The following DMD variants were observed in gnomAD, a reference collection of about 807,000 sequenced individuals.
DMD encodes mutant dystrophin.
In DMD, 63 loss-of-function variants were observed where a neutral mutation model predicts 330.1. The ratio of observed to expected loss-of-function variants is 0.19; its 90% CI spans 0.16 to 0.24. The LOEUF is 0.24. DMD is among the 10% of genes least tolerant of loss of function. The probability of loss-of-function intolerance (pLI) is 1.00; values close to 1 mark genes in which losing one functional copy is unlikely to be tolerated. For synonymous variants in DMD, 1,223 were observed against 959.8 expected (o/e 1.27, Z -5.07); for missense variants, 3,344 against 2,684.1 (o/e 1.25, Z -5.43).
chrX:32,199,780 TTGTGTGTGTGTGTGTGTGTGTG>T lies in DMD; in HGVS notation c.6438+17114_6438+17135del, dbSNP rs35897988. ...CAGCAAGCGCCACCACGCAAGGCTT[TTGTGTGTGTGTGTGTGTGTGTG>T]TGTGTGTGTGTGTGTGTGTGTGTGT... On this transcript the variant is annotated intron_variant, in intron 44 of 78. Coordinates refer to ENST00000357033, the MANE Select transcript of DMD (RefSeq NM_004006.3). Among the ~76,000 whole-genome samples the T allele has an allele frequency of 3.3e-3, 278 of 84,132 alleles. 1 individual carries two copies. In the South Asian group the frequency reaches 0.054, roughly 16 times the overall value. 73.1% of individuals were successfully genotyped at this position (84,132 alleles called of 115,157 possible). A position where few individuals can be genotyped will look rare whatever the true frequency, so the allele number is the denominator to read the frequency against.
chrX:33,320,076 T>C (rs933164712), intron 1 of DMD, among the ~76,000 whole-genome samples: 3 of 111,368 alleles, frequency 2.7e-5, no homozygotes, highest in African/African-American at 9.8e-5. Flanking sequence ...CAATATTGTA[T>C]AGAGATAAAA....
chrX:32,623,560 TTC>T (rs1489539510), intron 11 of DMD, among the ~76,000 whole-genome samples: 2 of 106,383 alleles, frequency 1.9e-5, no homozygotes, highest in Non-Finnish European at 3.9e-5. Flanking sequence ...CAGGGTCTCA[TTC>T]TGTTACCCAG....
rs768532317 is a variant in DMD at position 31,134,141 on chromosome X, C to T, written c.10975G>A (p.Val3659Met). ...PQDTSTGLEE[V>M]MEQLNNSFPS... The stretch of plus-strand genomic sequence containing the variant: ...AAGGAGTTGTTGAGTTGCTCCATCA[C>T]CTCCTCTAACCCTGTGCTTGTGTCC... Residue 3659 changes from valine to methionine, a missense_variant, in exon 77 of 79, where the codon GTG becomes ATG. Physicochemically the swap from Val to Met is conservative, Grantham distance 21. Coordinates refer to ENST00000357033, the MANE Select transcript of DMD (RefSeq NM_004006.3). 9 of 1,211,371 alleles carry T rather than the reference C, an allele frequency of 7.4e-6. No homozygotes were observed. In the Middle Eastern group the frequency reaches 1.4e-3, roughly 186 times the overall value.
At chrX:31,410,295 C>T (rs1225185776) in intron 60 of DMD, among the ~76,000 whole-genome samples, 2 of 111,917 alleles carry the variant, frequency 1.8e-5, no homozygotes, top group African/African-American at 3.3e-5. Flanking sequence ...TTATAGAACT[C>T]GGTACCACTA....
chrX:32,935,073 G>A (rs988972517), intron 2 of DMD, among the ~76,000 whole-genome samples: 2 of 112,626 alleles, frequency 1.8e-5, no homozygotes, highest in Admixed American at 9.3e-5. Context: ...CCGCCTCCCG[G>A]GTTCACGCCA....
intron 44 of DMD, among the ~76,000 whole-genome samples, chrX:32,159,316 TA>T (rs1177112448): frequency 2.7e-5 from 3 of 112,188 alleles, no homozygotes; most frequent in Non-Finnish European, 5.6e-5. Context: ...AAACGTATGT[TA>T]CAAGGAGATA....
chrX:32,116,293 A>G (rs1468030480), intron 44 of DMD, among the ~76,000 whole-genome samples: 1 of 111,910 alleles, frequency 8.9e-6, no homozygotes, highest in Non-Finnish European at 1.9e-5. Flanking sequence ...CCCAATCTAA[A>G]CAAGTCCACC....
intron 61 of DMD, among the ~76,000 whole-genome samples, chrX:31,344,040 G>T (rs184655971): frequency 9.8e-6 from 1 of 101,630 alleles, no homozygotes; most frequent in African/African-American, 3.6e-5. Flanking sequence ...TGGAGTGCGG[G>T]GGGGGGTGGA....
intron 55 of DMD, among the ~76,000 whole-genome samples, chrX:31,537,722 C>A (rs1043804121): frequency 1.8e-5 from 2 of 111,219 alleles, no homozygotes; most frequent in Non-Finnish European, 3.8e-5. Context: ...CCAACTTGAC[C>A]TGTCTAACTC....
intron 55 of DMD, among the ~76,000 whole-genome samples, chrX:31,599,818 C>A (rs10442455): frequency 1.8e-5 from 2 of 112,235 alleles, no homozygotes; most frequent in Non-Finnish European, 3.8e-5. Flanking sequence ...TAAACAATTT[C>A]TGAATGATCT....
Position 32,595,846 on chromosome X carries a change from C to G in DMD, c.1513G>C (p.Val505Leu), listed in dbSNP as rs140340626. 1.5e-3 allele frequency: 1,854 copies of G among 1,197,840 alleles called. 1 individual carries two copies. The highest frequency in any genetic ancestry group is 2.5e-3 in the Middle Eastern group (11 of 4,332). The change falls in exon 13 of 79, where the codon GTC becomes CTC. Residue 505 changes from valine (V) to leucine (L), a missense_variant. Val to Leu is a conservative substitution (Grantham distance 32, BLOSUM62 1). Coordinates refer to ENST00000357033, the MANE Select transcript of DMD (RefSeq NM_004006.3). ...VLQEDLEQEQ[V>L]RVNSLTHMVV... Reference sequence around the variant, plus strand: ...ATGTGAGTGAGAGAATTGACCCTGACTTGTTCTTGTTCTAGATCTTCTTGA... The same window carrying G: ...ATGTGAGTGAGAGAATTGACCCTGAGTTGTTCTTGTTCTAGATCTTCTTGA...
chrX:32,457,203 G>A (rs999731319), intron 25 of DMD, among the ~76,000 whole-genome samples: 2 of 110,327 alleles, frequency 1.8e-5, no homozygotes, highest in Non-Finnish European at 1.9e-5. Flanking sequence ...GAAGCCAACT[G>A]AATTTAGCGA....
chrX:32,920,119 T>C (rs1431676549), intron 2 of DMD, among the ~76,000 whole-genome samples: 1 of 111,801 alleles, frequency 8.9e-6, no homozygotes, highest in Non-Finnish European at 1.9e-5. Flanking sequence ...ATAATCACTA[T>C]TATGTAATAG....
At chrX:33,107,444 G>A (rs1269063261) in intron 1 of DMD, among the ~76,000 whole-genome samples, 2 of 109,368 alleles carry the variant, frequency 1.8e-5, no homozygotes, top group Non-Finnish European at 3.8e-5. Flanking sequence ...AAGTTTATTA[G>A]GAAGGCAGTA....
chrX:33,250,983 T>G (rs2143189), intron 1 of DMD, among the ~76,000 whole-genome samples: 20,579 of 110,134 alleles, frequency 0.19, 2,960 homozygotes, highest in African/African-American at 0.5. Flanking sequence ...CCATTTCCTA[T>G]ATATATTTTC....
chrX:31,637,483 C>T (rs1490721090), intron 54 of DMD, among the ~76,000 whole-genome samples: 2 of 110,628 alleles, frequency 1.8e-5, no homozygotes, highest in Non-Finnish European at 1.9e-5. Context: ...TTTAAGAATC[C>T]TCTGACTTAT....
At chrX:31,422,764 G>T (rs927981045) in intron 60 of DMD, among the ~76,000 whole-genome samples, 3 of 110,990 alleles carry the variant, frequency 2.7e-5, no homozygotes, top group Non-Finnish European at 1.9e-5. Flanking sequence ...ATGGAGTTTT[G>T]ATTTTAGTAG....
At chrX:31,574,150 T>G (rs1212121585) in intron 55 of DMD, among the ~76,000 whole-genome samples, 4 of 100,047 alleles carry the variant, frequency 4.0e-5, no homozygotes, top group Admixed American at 1.1e-4. Flanking sequence ...TTTTTTGTTT[T>G]TTTTTTTTTT....
At chrX:31,689,033 G>A (rs1252113724) in intron 52 of DMD, among the ~76,000 whole-genome samples, 2 of 111,758 alleles carry the variant, frequency 1.8e-5, no homozygotes, top group African/African-American at 3.3e-5. Flanking sequence ...GGCAAAACTG[G>A]AAGCATTCCC....
Sources: gnomAD v4.1 joint callset for allele counts (sites outside exome capture counted in the v4.1 genomes callset) on GRCh38, gnomAD v4.1.1 for gene constraint, MANE v1.5 for transcripts, NCBI Gene and HGNC (gene_info 2026-07-23, HGNC 2026-07-21) for gene names.